TBC1D5: variants seen among roughly 807,000 people sequenced by gnomAD.
The protein encoded by TBC1D5 is TBC1 domain family member 5, also known as TBC1 domain family, member 5.
TBC1D5 carries 75 observed loss-of-function variants against 100.3 expected under a neutral mutation model. The observed-to-expected ratio is 0.75, with a 90% confidence interval of 0.62 to 0.91. The LOEUF is 0.91. TBC1D5 is among the 40% of genes least tolerant of loss of function. TBC1D5 has a pLI of 0.00. For synonymous variants in TBC1D5, 323 were observed against 325.6 expected (o/e 0.99, Z 0.09); for missense variants, 910 against 942.4 (o/e 0.97, Z 0.45).
chr3:17,674,325 G>A (rs2068354868), intron 1 of TBC1D5, among the ~76,000 whole-genome samples: 1 of 152,076 alleles, frequency 6.6e-6, no homozygotes, highest in Non-Finnish European at 1.5e-5. Context: ...ATTTGTACAT[G>A]AAAACAAAAG....
intron 2 of TBC1D5, among the ~76,000 whole-genome samples, chr3:17,606,726 A>T (rs1053232715): frequency 6.6e-6 from 1 of 152,186 alleles, no homozygotes; most frequent in Non-Finnish European, 1.5e-5. Flanking sequence ...TGGGTTTTTA[A>T]AATTGTTTTG....
chr3:17,214,407 G>A, intron 17 of TBC1D5, 37 bp from the exon 19 acceptor site: 1 of 1,592,012 alleles, frequency 6.3e-7, no homozygotes, highest in Non-Finnish European at 8.6e-7. Context: ...TGAAACACCA[G>A]ACTCTTTCAC....
At chr3:17,606,065 G>C (rs1358288941) in intron 2 of TBC1D5, among the ~76,000 whole-genome samples, 1 of 152,122 alleles carries the variant, frequency 6.6e-6, no homozygotes, top group Non-Finnish European at 1.5e-5. Context: ...CTACTCTACT[G>C]CCCACACCTC....
chr3:17,245,858 G>A (rs978379811), intron 16 of TBC1D5, among the ~76,000 whole-genome samples: 1 of 152,134 alleles, frequency 6.6e-6, no homozygotes, highest in Non-Finnish European at 1.5e-5. Flanking sequence ...ACCTGTATCT[G>A]AGGGATATGA....
chr3:17,425,207 C>G (rs1332761138), intron 4 of TBC1D5, among the ~76,000 whole-genome samples: 2 of 152,192 alleles, frequency 1.3e-5, no homozygotes, highest in Non-Finnish European at 2.9e-5. Context: ...TCTGATTAAA[C>G]TCCTCATATC....
At chr3:17,643,683 T>G (rs1443462384) in intron 1 of TBC1D5, among the ~76,000 whole-genome samples, 2 of 152,104 alleles carry the variant, frequency 1.3e-5, no homozygotes, top group East Asian at 3.9e-4. Flanking sequence ...ACAACAGTAT[T>G]TCATATTCAG....
chr3:17,711,840 GT>G (rs2074769927), intron 1 of TBC1D5, among the ~76,000 whole-genome samples: 1 of 152,144 alleles, frequency 6.6e-6, no homozygotes, highest in Non-Finnish European at 1.5e-5. Context: ...ATATCTCCCA[GT>G]GCACACCTCC....
intron 18 of TBC1D5, among the ~76,000 whole-genome samples, chr3:17,185,470 T>C (rs375326491): frequency 6.6e-6 from 1 of 152,246 alleles, no homozygotes; most frequent in African/African-American, 2.4e-5. Context: ...TTAGATTGCA[T>C]ATACAATCTT....
intron 15 of TBC1D5, among the ~76,000 whole-genome samples, chr3:17,282,460 G>A (rs1435825233): frequency 4.6e-5 from 7 of 152,150 alleles, no homozygotes; most frequent in Admixed American, 1.3e-4. Flanking sequence ...ATTATTCTTT[G>A]CTTACTGGGA....
intron 15 of TBC1D5, among the ~76,000 whole-genome samples, chr3:17,284,228 A>T (rs1353034527): frequency 6.6e-6 from 1 of 151,882 alleles, no homozygotes; most frequent in Non-Finnish European, 1.5e-5. Flanking sequence ...AGCGATTCTC[A>T]TGCCTCAGCC....
At chr3:17,690,709 T>A (rs375731938) in intron 1 of TBC1D5, among the ~76,000 whole-genome samples, 2 of 152,146 alleles carry the variant, frequency 1.3e-5, no homozygotes, top group African/African-American at 4.8e-5. Flanking sequence ...ATGTGAGCGA[T>A]CTAGGTTGCG....
chr3:17,710,210 C>T (rs746438879), intron 1 of TBC1D5, among the ~76,000 whole-genome samples: 12 of 151,930 alleles, frequency 7.9e-5, no homozygotes, highest in Non-Finnish European at 1.6e-4. Context: ...TATAGTGGGG[C>T]CTGAAATCCA....
At chr3:17,352,613 G>A (rs2090734105) in intron 13 of TBC1D5, among the ~76,000 whole-genome samples, 1 of 122,998 alleles carries the variant, frequency 8.1e-6, no homozygotes, top group African/African-American at 3.1e-5. Flanking sequence ...ATATTGAACA[G>A]AAGACAAATA....
chr3:17,737,253 A>G (rs770807237), intron 1 of TBC1D5, among the ~76,000 whole-genome samples: 4 of 152,172 alleles, frequency 2.6e-5, no homozygotes, highest in Non-Finnish European at 5.9e-5. Flanking sequence ...AAGACTCACA[A>G]TTAGAAGTGG....
At chr3:17,682,706 C>T (rs964915716) in intron 1 of TBC1D5, among the ~76,000 whole-genome samples, 1 of 151,498 alleles carries the variant, frequency 6.6e-6, no homozygotes, top group Admixed American at 6.6e-5. Context: ...TCTCAAAACT[C>T]TCCTGGATTA....
At chr3:17,280,635 T>C (rs2080479005) in intron 15 of TBC1D5, among the ~76,000 whole-genome samples, 2 of 152,130 alleles carry the variant, frequency 1.3e-5, no homozygotes, top group Non-Finnish European at 1.5e-5. Context: ...GGGAAGATCA[T>C]CTTCCTGCTC....
chr3:17,160,121 T>C (rs2065908146), exon 22 of TBC1D5: 1 of 152,254 alleles, frequency 6.6e-6, no homozygotes, highest in Non-Finnish European at 1.5e-5. Flanking sequence ...AATATTCTTA[T>C]ATCTTTTGAA....
At chr3:17,693,631 A>G (rs1448500810) in intron 1 of TBC1D5, among the ~76,000 whole-genome samples, 3 of 152,250 alleles carry the variant, frequency 2.0e-5, no homozygotes, top group Non-Finnish European at 4.4e-5. Flanking sequence ...TGCAGCCGCT[A>G]GACTCCACCT....
chr3:17,731,087 A>G (rs2076515131), intron 1 of TBC1D5, among the ~76,000 whole-genome samples: 1 of 152,222 alleles, frequency 6.6e-6, no homozygotes, highest in Non-Finnish European at 1.5e-5. Context: ...AGTGAGTAAG[A>G]TGAAGAGACA....
Sources: allele counts gnomAD v4.1 joint callset (sites outside exome capture counted in the v4.1 genomes callset), GRCh38; gene constraint gnomAD v4.1.1; transcripts MANE v1.5; gene names NCBI Gene and HGNC (gene_info 2026-07-23, HGNC 2026-07-21).